The following WWOX variants were observed in gnomAD, a reference collection of about 807,000 sequenced individuals.
WWOX encodes WW domain containing oxidoreductase.
A neutral mutation model predicts 46.2 loss-of-function variants in WWOX; 69 were observed. The observed-to-expected ratio is 1.49, with a 90% confidence interval of 1.23 to 1.82. WWOX has a LOEUF of 1.82. Ranked by LOEUF, WWOX falls within the 40% of genes most tolerant of loss-of-function variation. The pLI is 0.00. For synonymous variants in WWOX, 359 were observed against 202.6 expected (o/e 1.77, Z -6.56); for missense variants, 919 against 542.6 (o/e 1.69, Z -6.89).
At chr16:79,164,876 C>G (rs545515981) in intron 8 of WWOX, among the ~76,000 whole-genome samples, 24 of 152,224 alleles carry the variant, frequency 1.6e-4, no homozygotes, top group Non-Finnish European at 2.9e-5. Context: ...AATACACACA[C>G]AAACACAAAC....
At chr16:78,934,870 C>T (rs189304146) in intron 8 of WWOX, among the ~76,000 whole-genome samples, 1 of 152,232 alleles carries the variant, frequency 6.6e-6, no homozygotes, top group Admixed American at 6.5e-5. Flanking sequence ...GAGGCCAAGG[C>T]GGGTGCATCA....
intron 5 of WWOX, among the ~76,000 whole-genome samples, chr16:78,354,044 G>T (rs1379434523): frequency 6.6e-6 from 1 of 152,130 alleles, no homozygotes; most frequent in African/African-American, 2.4e-5. Context: ...TCTACGCAAG[G>T]GTATTAGGCA....
chr16:78,305,702 C>T (rs1472626137), intron 5 of WWOX, among the ~76,000 whole-genome samples: 2 of 151,964 alleles, frequency 1.3e-5, no homozygotes, highest in Non-Finnish European at 2.9e-5. Context: ...AGTCACCCAC[C>T]CACCACTTGG....
intron 8 of WWOX, among the ~76,000 whole-genome samples, chr16:78,987,447 C>A (rs527959711): frequency 2.6e-5 from 4 of 152,032 alleles, no homozygotes; most frequent in Non-Finnish European, 5.9e-5. Context: ...GTCCTTTTTT[C>A]TTTTTTCTAG....
intron 8 of WWOX, among the ~76,000 whole-genome samples, chr16:78,884,162 C>G (rs1381216085): frequency 6.6e-6 from 1 of 150,792 alleles, no homozygotes; most frequent in East Asian, 2.0e-4. Context: ...GTCCTAGTTA[C>G]TCGGGAGGCT....
chr16:78,595,164 CAT>C (rs2045458274), intron 8 of WWOX, among the ~76,000 whole-genome samples: 1 of 152,238 alleles, frequency 6.6e-6, no homozygotes, highest in South Asian at 2.1e-4. Flanking sequence ...GATGGGTAGA[CAT>C]ATACTTCATT....
chr16:78,994,969 C>CTTTTTTTTTTT (rs869088414), intron 8 of WWOX, among the ~76,000 whole-genome samples: 190 of 114,618 alleles, frequency 1.7e-3, no homozygotes, highest in Non-Finnish European at 2.4e-3. Flanking sequence ...TCTTCTTCTT[C>CTTTTTTTTTTT]TTTTTTTTTT....
At chr16:78,361,715 G>C (rs780527928) in intron 5 of WWOX, among the ~76,000 whole-genome samples, 1 of 151,992 alleles carries the variant, frequency 6.6e-6, no homozygotes. Context: ...GTGTTCAGGC[G>C]ATTCTCCCGT....
At chr16:78,391,276 T>C (rs1332070951) in intron 6 of WWOX, among the ~76,000 whole-genome samples, 2 of 152,214 alleles carry the variant, frequency 1.3e-5, no homozygotes, top group Non-Finnish European at 2.9e-5. Flanking sequence ...AACTTGTTGT[T>C]TGTTTTATGC....
chr16:78,130,920 A>T (rs1447475264), intron 4 of WWOX, among the ~76,000 whole-genome samples: 2 of 152,276 alleles, frequency 1.3e-5, no homozygotes, highest in Admixed American at 1.3e-4. Flanking sequence ...CCCTCATAGG[A>T]TGTACTTACA....
chr16:78,572,348 A>G (rs1206491387), intron 8 of WWOX, among the ~76,000 whole-genome samples: 3 of 152,212 alleles, frequency 2.0e-5, no homozygotes, highest in African/African-American at 7.2e-5. Context: ...TAATGCCAGC[A>G]CTTTGGAAGG....
intron 8 of WWOX, among the ~76,000 whole-genome samples, chr16:78,557,979 T>C (rs2044347479): frequency 1.3e-5 from 2 of 152,018 alleles, no homozygotes; most frequent in Admixed American, 6.6e-5. Context: ...AGGAATTTCA[T>C]TGGATTTCTA....
intron 8 of WWOX, among the ~76,000 whole-genome samples, chr16:78,785,600 G>A (rs1461508738): frequency 6.6e-6 from 1 of 152,104 alleles, no homozygotes; most frequent in Non-Finnish European, 1.5e-5. Flanking sequence ...TTATAAATTC[G>A]AGATAGTCAG....
intron 5 of WWOX, chr16:78,168,602 T>C (rs961201978): frequency 2.0e-5 from 3 of 152,126 alleles, no homozygotes; most frequent in Non-Finnish European, 4.4e-5. Flanking sequence ...CCCATCTTTT[T>C]ACCATGTTTA....
chr16:78,985,646 G>A (rs763620180), intron 8 of WWOX, among the ~76,000 whole-genome samples: 21 of 152,232 alleles, frequency 1.4e-4, no homozygotes, highest in Non-Finnish European at 2.4e-4. Flanking sequence ...GTGCATGCCT[G>A]TAGTCCCAGC....
chr16:78,653,000 T>C (rs2047000301), intron 8 of WWOX, among the ~76,000 whole-genome samples: 1 of 152,200 alleles, frequency 6.6e-6, no homozygotes, highest in Non-Finnish European at 1.5e-5. Flanking sequence ...AAGAAAAATT[T>C]AGAAACTTGG....
chr16:79,025,919 C>G (rs1055855173), intron 8 of WWOX, among the ~76,000 whole-genome samples: 1 of 151,246 alleles, frequency 6.6e-6, no homozygotes, highest in African/African-American at 2.4e-5. Context: ...CTGCCTCACC[C>G]TCCCGAGTAG....
In WWOX at chr16:78,621,592, CTTTTTTTTTTT is replaced by C. The variant is rs34182797; in HGVS notation, c.1056+188860_1056+188870del. On this transcript the variant is annotated intron_variant, in intron 8 of 8. Transcript: ENST00000566780. ...ACCTTTAACCTTGTGTTGTTCTAAT[CTTTTTTTTTTT>C]TTTTTTTTTTTTTTTTTTTGAGACA... Among the ~76,000 whole-genome samples, 146 of 31,544 alleles carry C rather than the reference CTTTTTTTTTTT, an allele frequency of 4.6e-3. 2 individuals carry two copies. The highest frequency in any genetic ancestry group is 0.016 in the African/African-American group (123 of 7,726). The allele number at this position is 31,544 out of a possible 152,430, so 20.7% of individuals were successfully genotyped here.
At chr16:78,793,835 G>T (rs1408943456) in intron 8 of WWOX, among the ~76,000 whole-genome samples, 1 of 152,034 alleles carries the variant, frequency 6.6e-6, no homozygotes, top group Non-Finnish European at 1.5e-5. Flanking sequence ...CAGCACGTTG[G>T]GAGGCCGAGG....
Sources: allele counts gnomAD v4.1 joint callset (sites outside exome capture counted in the v4.1 genomes callset), GRCh38; gene constraint gnomAD v4.1.1; transcripts MANE v1.5; gene names NCBI Gene and HGNC (gene_info 2026-07-23, HGNC 2026-07-21).